The following RBFOX1 variants were observed in gnomAD, a reference collection of about 807,000 sequenced individuals.
The protein encoded by RBFOX1 is RNA binding fox-1 homolog 1, also known as RNA binding protein fox-1 homolog 1.
Under a neutral mutation model 57.7 loss-of-function variants are expected in RBFOX1, and 8 were observed. That is an observed-to-expected ratio of 0.14 (90% CI 0.08 to 0.25). The LOEUF (loss-of-function observed/expected upper bound fraction) is 0.25. Among genes scored for constraint, RBFOX1 ranks in the 10% least tolerant of loss-of-function variants. The probability of loss-of-function intolerance (pLI) is 1.00; values close to 1 mark genes in which losing one functional copy is unlikely to be tolerated. For synonymous variants in RBFOX1, 326 were observed against 222.4 expected, an observed-to-expected ratio of 1.47 and a Z score of -4.15; for missense variants, 611 against 548.5, an observed-to-expected ratio of 1.11 and a Z score of -1.14.
At chr16:6,613,798 T>A (rs1188271456) in intron 2 of RBFOX1, among the ~76,000 whole-genome samples, 1 of 151,830 alleles carries the variant, frequency 6.6e-6, no homozygotes, top group Non-Finnish European at 1.5e-5. Context: ...ATTAGCCGGG[T>A]GTGGTGGTGT....
intron 4 of RBFOX1, among the ~76,000 whole-genome samples, chr16:5,908,537 G>C (rs1463974023): frequency 6.6e-6 from 1 of 151,806 alleles, no homozygotes; most frequent in Admixed American, 6.6e-5. Flanking sequence ...ATTTTTAGTA[G>C]AGAAGCGTTT....
Position 6,019,940 on chromosome 16 carries a change from C to A in RBFOX1, c.-179C>A. ...GGGGTGCAGAGAGCGCACGGGAATT[C>A]GGGGGTCTGGGGCCGAGAACGTGAC... On this transcript the variant is annotated 5_prime_UTR_variant, in exon 1 of 16. Coordinates refer to ENST00000550418, the MANE Select transcript of RBFOX1 (RefSeq NM_018723.4). The surrounding 1 kb of genome is among the most constrained non-coding windows in gnomAD (Gnocchi z 4.2). 1 of 1,534,332 alleles carries A rather than the reference C, an allele frequency of 6.5e-7. No homozygotes were observed. Among genetic ancestry groups the A allele is most frequent in the Middle Eastern group, 1.7e-4 (1 of 5,978 alleles).
intron 2 of RBFOX1, among the ~76,000 whole-genome samples, chr16:6,493,234 T>A (rs116368583): frequency 6.6e-6 from 1 of 152,118 alleles, no homozygotes; most frequent in African/African-American, 2.4e-5. Flanking sequence ...CTGAAAATCA[T>A]TGGATTCACA....
At chr16:7,324,238 G>A (rs1035104512) in intron 4 of RBFOX1, among the ~76,000 whole-genome samples, 1 of 152,112 alleles carries the variant, frequency 6.6e-6, no homozygotes, top group Non-Finnish European at 1.5e-5. Flanking sequence ...AGCTTCTAAA[G>A]AGAAAATAAT....
At chr16:6,975,713 C>G (rs2086679460) in intron 3 of RBFOX1, among the ~76,000 whole-genome samples, 1 of 152,166 alleles carries the variant, frequency 6.6e-6, no homozygotes. Context: ...TTATGATTAG[C>G]ACTGCTCATA....
chr16:7,450,867 T>A (rs1567230306), intron 4 of RBFOX1, among the ~76,000 whole-genome samples: 1 of 151,662 alleles, frequency 6.6e-6, no homozygotes, highest in Admixed American at 6.6e-5. Flanking sequence ...GCATCAGCAG[T>A]GAGAGGGTAG....
chr16:6,718,237 C>A (rs921492155), intron 3 of RBFOX1, among the ~76,000 whole-genome samples: 2 of 152,142 alleles, frequency 1.3e-5, no homozygotes, highest in African/African-American at 4.8e-5. Flanking sequence ...ATATATTGGT[C>A]TTTTCCATAT....
At chr16:7,449,578 T>C (rs2098835033) in intron 4 of RBFOX1, among the ~76,000 whole-genome samples, 2 of 152,158 alleles carry the variant, frequency 1.3e-5, no homozygotes, top group Non-Finnish European at 2.9e-5. Flanking sequence ...ACCATCTCTT[T>C]AACCTCGTTA....
chr16:5,787,352 C>T (rs755962815), intron 3 of RBFOX1, among the ~76,000 whole-genome samples: 8 of 152,256 alleles, frequency 5.3e-5, no homozygotes, highest in Admixed American at 3.3e-4. Context: ...AGACAGAAGA[C>T]CAATGATGTT....
At chr16:7,129,704 T>C (rs992839332) in intron 4 of RBFOX1, among the ~76,000 whole-genome samples, 2 of 152,008 alleles carry the variant, frequency 1.3e-5, no homozygotes, top group Non-Finnish European at 2.9e-5. Flanking sequence ...TTCAAGTGCC[T>C]GGGAGCCCCC....
chr16:7,438,484 C>G (rs956650220), intron 4 of RBFOX1, among the ~76,000 whole-genome samples: 1 of 152,114 alleles, frequency 6.6e-6, no homozygotes, highest in Non-Finnish European at 1.5e-5. Context: ...AATAACTGCT[C>G]TGGGGATCAG....
At chr16:6,192,845 G>T (rs1007097467) in intron 1 of RBFOX1, among the ~76,000 whole-genome samples, 1 of 152,102 alleles carries the variant, frequency 6.6e-6, no homozygotes, top group African/African-American at 2.4e-5. Context: ...TTAATAAAAA[G>T]CATCTTTATT....
intron 3 of RBFOX1, among the ~76,000 whole-genome samples, chr16:6,732,103 T>C (rs1466621738): frequency 1.3e-5 from 2 of 152,212 alleles, no homozygotes; most frequent in Non-Finnish European, 2.9e-5. Context: ...TCTTTCAGTC[T>C]TCCCTTTGCA....
chr16:5,947,613 A>G lies in RBFOX1; in HGVS notation c.351+80278A>G, dbSNP rs1423583325. ...GCTGGGATTACATGCATGATCCACC[A>G]TGTCTTGACCCTTCGATTTTAGGTA... On this transcript the variant is annotated intron_variant, in intron 4 of 19. Coordinates refer to the RBFOX1 transcript ENST00000641259. This position sits in a 1 kb window ranked among gnomAD's most constrained non-coding sequence, Gnocchi z 7.2. Among the ~76,000 whole-genome samples, 2 of 152,152 alleles carry G rather than the reference A, an allele frequency of 1.3e-5. No homozygotes were observed. Among genetic ancestry groups the G allele is most frequent in the Non-Finnish European group, 2.9e-5 (2 of 68,030 alleles).
chr16:5,454,926 T>TC lies in RBFOX1; in HGVS notation c.220-12289dup, dbSNP rs2068563110. ...TCTTTCTTTCTTTCCTTTGTTTCTTTCTTCCTTCCTTCCTTCCTTCCTTCC... is the reference window on the plus strand; with the variant it reads ...TCTTTCTTTCTTTCCTTTGTTTCTTTCCTTCCTTCCTTCCTTCCTTCCTTCC... On this transcript the variant is annotated intron_variant, in intron 1 of 2. Transcript: ENST00000585867. Among the ~76,000 whole-genome samples the TC allele has an allele frequency of 2.2e-4, 12 of 54,834 alleles. 1 individual carries two copies. Among genetic ancestry groups the TC allele is most frequent in the Non-Finnish European group, 7.2e-5 (2 of 27,766 alleles). 36.0% of individuals were successfully genotyped at this position (54,834 alleles called of 152,430 possible). A position where few individuals can be genotyped will look rare whatever the true frequency, so the allele number is the denominator to read the frequency against.
chr16:5,944,987 A>AAAAAAAAAG (rs1555453186), intron 4 of RBFOX1, among the ~76,000 whole-genome samples: 5 of 97,086 alleles, frequency 5.2e-5, no homozygotes, highest in Admixed American at 1.6e-4. Flanking sequence ...AAAAAAAAAA[A>AAAAAAAAAG]AGAGAGAGAG....
chr16:7,509,189 A>G (rs192239672), intron 4 of RBFOX1, among the ~76,000 whole-genome samples: 2 of 152,246 alleles, frequency 1.3e-5, no homozygotes, highest in East Asian at 3.9e-4. Context: ...AGAAAGCAAG[A>G]CCCCTGTACT....
Position 7,663,190 on chromosome 16 carries a change from A to G in RBFOX1, c.891-1739A>G, listed in dbSNP as rs575586038. ...GGTGGCTCTGCCTTCTGACCCCCCA[A>G]CCGACATTCTCTATGTTGGAAAAGT... On this transcript the variant is annotated intron_variant, in intron 12 of 15. Coordinates refer to ENST00000550418, the MANE Select transcript of RBFOX1 (RefSeq NM_018723.4). Among the ~76,000 whole-genome samples, 20 of 152,216 alleles carry G rather than the reference A, an allele frequency of 1.3e-4. No homozygotes were observed. In the South Asian group the frequency reaches 2.1e-3, roughly 16 times the overall value.
chr16:7,020,636 G>T (rs1196684508), intron 3 of RBFOX1, among the ~76,000 whole-genome samples: 2 of 152,196 alleles, frequency 1.3e-5, no homozygotes, highest in Non-Finnish European at 2.9e-5. Flanking sequence ...CATAAAGAGT[G>T]ATGAACTTGT....
Sources: gnomAD v4.1 joint callset for allele counts (sites outside exome capture counted in the v4.1 genomes callset) on GRCh38, gnomAD v4.1.1 for gene constraint, Gnocchi (gnomAD v3.1) non-coding constraint, MANE v1.5 for transcripts, NCBI Gene and HGNC (gene_info 2026-07-23, HGNC 2026-07-21) for gene names.